Variants in EPHX4 observed in about 807,000 individuals in gnomAD.
EPHX4 encodes abhydrolase domain containing 7.
A neutral mutation model predicts 44.9 loss-of-function variants in EPHX4; 31 were observed. The observed-to-expected ratio is 0.69, with a 90% confidence interval of 0.52 to 0.93. The LOEUF is 0.93. Among genes scored for constraint, EPHX4 ranks in the 40% least tolerant of loss-of-function variants. EPHX4 has a pLI of 0.00. For synonymous variants in EPHX4, 151 were observed against 159.7 expected, an observed-to-expected ratio of 0.95 and a Z score of 0.41; for missense variants, 373 against 438.1, an observed-to-expected ratio of 0.85 and a Z score of 1.33.
At chr1:92,061,025 C>T (rs1647483787) in intron 6 of EPHX4, among the ~76,000 whole-genome samples, 1 of 151,938 alleles carries the variant, frequency 6.6e-6, no homozygotes, top group South Asian at 2.1e-4. Context: ...GGATTACAGG[C>T]GTAAGCCATC....
intron 2 of EPHX4, among the ~76,000 whole-genome samples, chr1:92,034,165 TG>T (rs1288433358): frequency 4.0e-5 from 6 of 149,366 alleles, no homozygotes; most frequent in Non-Finnish European, 5.9e-5. Flanking sequence ...CTGTGCTTGG[TG>T]GCAGGCGCCT....
At chr1:92,041,637 T>C (rs1407237270) in intron 2 of EPHX4, among the ~76,000 whole-genome samples, 2 of 152,232 alleles carry the variant, frequency 1.3e-5, no homozygotes, top group Admixed American at 6.5e-5. Context: ...CTCACTTTTT[T>C]ATACTTGATA....
At chr1:92,032,329 TA>T (rs1688372830) in intron 1 of EPHX4, among the ~76,000 whole-genome samples, 175 bp from the exon 2 acceptor site, 1 of 152,208 alleles carries the variant, frequency 6.6e-6, no homozygotes, top group African/African-American at 2.4e-5. Context: ...TTAATAAAAG[TA>T]AATATATTTC....
chr1:92,041,838 C>T (rs1688511991), intron 2 of EPHX4, among the ~76,000 whole-genome samples: 1 of 151,728 alleles, frequency 6.6e-6, no homozygotes, highest in African/African-American at 2.4e-5. Flanking sequence ...GTCAGGAATT[C>T]AAGACCAGCC....
chr1:92,052,546 A>T lies in EPHX4; in HGVS notation c.745A>T (p.Ile249Phe). ...KHLFTSHSTG[I>F]GRKGCQLTTE... Reference sequence around the variant, plus strand: ...TCTGTTTACCAGTCACAGCACTGGCATTGGAAGAAAAGGATGCCAATTAAC... The same window carrying T: ...TCTGTTTACCAGTCACAGCACTGGCTTTGGAAGAAAAGGATGCCAATTAAC... Residue 249 changes from isoleucine (I) to phenylalanine (F), a missense_variant, in exon 6 of 7, where the codon ATT (isoleucine) becomes TTT (phenylalanine). Ile to Phe is a conservative substitution (Grantham distance 21). Transcript: ENST00000370383. The T allele has an allele frequency of 1.2e-6, 2 of 1,611,408 alleles. No individual in the cohort carries two copies. Among genetic ancestry groups the T allele is most frequent in the Non-Finnish European group, 1.7e-6 (2 of 1,179,106 alleles).
chr1:92,030,367 G>T, intron 1 of EPHX4, 57 bp downstream of exon 1: 2 of 1,397,862 alleles, frequency 1.4e-6, no homozygotes, highest in South Asian at 3.0e-5. Context: ...CCGCGAGGGT[G>T]GGGGGCTCCG....
chr1:92,060,262 T>A (rs77524909), intron 6 of EPHX4, among the ~76,000 whole-genome samples: 2 of 151,546 alleles, frequency 1.3e-5, no homozygotes, highest in East Asian at 1.9e-4. Context: ...ATTTTTTTTT[T>A]AATTAGTCAG....
chr1:92,045,788 T>A, intron 4 of EPHX4, 128 bp downstream of exon 4: 1 of 1,021,556 alleles, frequency 9.8e-7, no homozygotes, highest in Non-Finnish European at 1.5e-6. Context: ...TAAACCATGA[T>A]AGCACATGAC....
intron 2 of EPHX4, among the ~76,000 whole-genome samples, chr1:92,035,594 T>C (rs903956402): frequency 1.3e-5 from 2 of 152,246 alleles, no homozygotes; most frequent in African/African-American, 4.8e-5. Flanking sequence ...GCATTTACTA[T>C]GAGCCAGGCA....
At chr1:92,032,153 T>C (rs1277890768) in intron 1 of EPHX4, among the ~76,000 whole-genome samples, 2 of 152,172 alleles carry the variant, frequency 1.3e-5, no homozygotes, top group Non-Finnish European at 2.9e-5. Flanking sequence ...AAGTTACAAA[T>C]GGTAAGATGA....
chr1:92,059,658 C>T (rs1647446525), intron 6 of EPHX4, among the ~76,000 whole-genome samples: 1 of 151,932 alleles, frequency 6.6e-6, no homozygotes, highest in Non-Finnish European at 1.5e-5. Context: ...GTTCAAGATA[C>T]AAAATTATGG....
chr1:92,032,640 T>A (rs1046773158), intron 2 of EPHX4, 50 bp downstream of exon 2: 3 of 1,450,798 alleles, frequency 2.1e-6, no homozygotes, highest in Non-Finnish European at 1.9e-6. Context: ...TGGCTTATTT[T>A]CTCAGTTCAT....
Position 92,034,645 on chromosome 1 carries a change from C to CTT in EPHX4, c.317+2071_317+2072dup, listed in dbSNP as rs55868882. Among the ~76,000 whole-genome samples the CTT allele has an allele frequency of 2.3e-4, 33 of 146,200 alleles. No homozygotes were observed. In the South Asian group the frequency reaches 3.2e-3, roughly 14 times the overall value. ...AAAGGATTACTACCTTAAGACGCTT[C>CTT]TTTTTTTTTTTTTTTTTAAACAGTC... is the stretch of plus-strand genomic sequence containing the variant. On this transcript the variant is annotated intron_variant, in intron 2 of 6. Transcript: ENST00000370383.
rs573896485 is a variant in EPHX4, at chr1:92,031,168, G to A, written c.231+858G>A. Among the ~76,000 whole-genome samples the A allele has an allele frequency of 8.5e-5, 13 of 152,192 alleles. No homozygotes were observed. The South Asian group carries it at 2.1e-3, about 24-fold the overall frequency. On this transcript the variant is annotated intron_variant, in intron 1 of 6. Coordinates refer to ENST00000370383, the MANE Select transcript of EPHX4 (RefSeq NM_173567.5). ...GCAAGAGAACTTCTTTCTTGCCTGG[G>A]GTCGACATGAGAATTAAATAGGTTA... is the stretch of plus-strand genomic sequence containing the variant.
chr1:92,056,414 G>A (rs1162160693), intron 6 of EPHX4, among the ~76,000 whole-genome samples: 3 of 151,948 alleles, frequency 2.0e-5, no homozygotes, highest in East Asian at 1.9e-4. Context: ...AATTCTAAAC[G>A]TATAACAAAA....
chr1:92,050,382 T>G lies in EPHX4; in HGVS notation c.670T>G (p.Trp224Gly). The G allele has an allele frequency of 6.2e-7, 1 of 1,604,330 alleles. No individual in the cohort carries two copies. Among genetic ancestry groups the G allele is most frequent in the Non-Finnish European group, 8.5e-7 (1 of 1,175,308 alleles). ...SSYYYFFQIP[W>G]FPEFMFSIND... ...TTATTATTACTTCTTCCAAATACCA[T>G]GGTTCCCAGAATTTATGTTCTCAAT... The change falls in exon 5 of 7, where the codon TGG (tryptophan) becomes GGG (glycine). Residue 224 changes from tryptophan to glycine, a missense_variant. Coordinates refer to ENST00000370383, the MANE Select transcript of EPHX4 (RefSeq NM_173567.5).
chr1:92,042,603 T>C (rs774975946), intron 2 of EPHX4, among the ~76,000 whole-genome samples: 2 of 151,656 alleles, frequency 1.3e-5, no homozygotes, highest in South Asian at 2.1e-4. Context: ...TGTGCACCTG[T>C]AGTCTCGGCT....
In EPHX4 at chr1:92,045,648, A is replaced by G; in HGVS notation, c.592A>G (p.Asn198Asp). ...TATTGTTATTAACTTCCCTCATCCA[A>G]ATGTATTTACAGGTGAGTTCAAGTT... ...KLIVINFPHP[N>D]VFTEYILRHP... is the part of the protein sequence containing the mutation. Residue 198 changes from asparagine (N) to aspartate (D), a missense_variant, in exon 4 of 7, where the codon AAT (asparagine) becomes GAT (aspartate). Asn to Asp is a conservative substitution (Grantham distance 23, BLOSUM62 1). Transcript: ENST00000370383. 6.2e-7 allele frequency: 1 copy of G among 1,614,046 alleles called. No homozygotes were observed. Among genetic ancestry groups the G allele is most frequent in the Non-Finnish European group, 8.5e-7 (1 of 1,179,966 alleles).
intron 2 of EPHX4, 28 bp from the exon 3 acceptor site, chr1:92,042,795 A>G: frequency 6.3e-7 from 1 of 1,591,236 alleles, no homozygotes; most frequent in African/African-American, 1.4e-5. Flanking sequence ...CTAATATGAT[A>G]TTTTAAATGC....
Sources: allele counts gnomAD v4.1 joint callset (sites outside exome capture counted in the v4.1 genomes callset), GRCh38; gene constraint gnomAD v4.1.1; transcripts MANE v1.5; gene names NCBI Gene and HGNC (gene_info 2026-07-23, HGNC 2026-07-21).